Variants in CARMIL1 observed in about 807,000 individuals in gnomAD.
CARMIL1 encodes the protein capping protein regulator and myosin 1 linker 1, also known as F-actin-uncapping protein LRRC16A.
CARMIL1 carries 90 observed loss-of-function variants against 177.1 expected under a neutral mutation model. That is an observed-to-expected ratio of 0.51 (90% confidence interval 0.43 to 0.61). The LOEUF is 0.61. CARMIL1 is among the 20% of genes least tolerant of loss of function. The pLI is 0.00. For missense variants in CARMIL1, 1,380 were observed against 1,667.0 expected, an observed-to-expected ratio of 0.83 and a Z score of 3.00; for synonymous variants, 577 against 606.2, an observed-to-expected ratio of 0.95 and a Z score of 0.71.
intron 2 of CARMIL1, among the ~76,000 whole-genome samples, chr6:25,293,965 A>G (rs923972587): frequency 6.6e-6 from 1 of 152,178 alleles, no homozygotes; most frequent in African/African-American, 2.4e-5. Flanking sequence ...CAAGTCATCC[A>G]CCTGCCTTGG....
intron 12 of CARMIL1, 71 bp from the exon 13 acceptor site, chr6:25,488,411 A>C: frequency 9.1e-7 from 1 of 1,104,558 alleles, no homozygotes; most frequent in Non-Finnish European, 1.4e-6. Context: ...GTGTTGGGCC[A>C]TTTATAGAAA....
intron 2 of CARMIL1, among the ~76,000 whole-genome samples, chr6:25,285,788 T>G (rs942778085): frequency 6.6e-6 from 1 of 151,604 alleles, no homozygotes; most frequent in Non-Finnish European, 1.5e-5. Flanking sequence ...CCCATGGTGT[T>G]TGTTTGTTGT....
intron 2 of CARMIL1, among the ~76,000 whole-genome samples, chr6:25,346,231 G>A (rs562786951): frequency 6.6e-6 from 1 of 152,242 alleles, no homozygotes; most frequent in Admixed American, 6.5e-5. Context: ...TTACCCTCTG[G>A]CTTCATCTCC....
At chr6:25,470,259 A>T (rs1433065647) in intron 9 of CARMIL1, among the ~76,000 whole-genome samples, 1 of 152,210 alleles carries the variant, frequency 6.6e-6, no homozygotes, top group Non-Finnish European at 1.5e-5. Flanking sequence ...CTTCCTATTA[A>T]GTTTATGACA....
chr6:25,426,504 G>A lies in CARMIL1; in HGVS notation c.193G>A (p.Glu65Lys), dbSNP rs1203511642. Residue 65 changes from glutamate (E) to lysine (K), a missense_variant, in exon 4 of 37, where the codon GAG (glutamate) becomes AAG (lysine). Transcript: ENST00000329474. The stretch of plus-strand genomic sequence containing the variant: ...CCTCCTTTCCCCTCAATTGCAGCTC[G>A]AGTTAACCTTCAGCTACTTGGAGAT... Reference protein sequence around the residue: ...LVTARIPTKLELTFSYLEIHG... With the variant: ...LVTARIPTKLKLTFSYLEIHG... 3.1e-6 allele frequency: 5 copies of A among 1,609,796 alleles called. No homozygotes were observed. The highest frequency in any genetic ancestry group is 1.7e-5 in the Admixed American group (1 of 59,690).
chr6:25,281,125 T>C (rs940648002), intron 1 of CARMIL1, among the ~76,000 whole-genome samples: 21 of 35,890 alleles, frequency 5.9e-4, no homozygotes, highest in Admixed American at 9.1e-4. Flanking sequence ...CGCACGCGCG[T>C]GTGCGCGCGC....
chr6:25,570,002 C>G (rs906666089), intron 29 of CARMIL1, among the ~76,000 whole-genome samples: 1 of 151,584 alleles, frequency 6.6e-6, no homozygotes, highest in African/African-American at 2.4e-5. Flanking sequence ...GAGACGGAGT[C>G]TCGCTCTGTG....
chr6:25,326,471 C>T lies in CARMIL1; in HGVS notation c.138+41562C>T, dbSNP rs1785110685. On this transcript the variant is annotated intron_variant, in intron 2 of 36. Transcript: ENST00000329474. The surrounding 1 kb of genome is among the most constrained non-coding windows in gnomAD (Gnocchi z 4.2). ...ACTGAGGCTTCTAAGTAGAGCATTA[C>T]ACTGTTAACAGTAGTGGGAGTGAGA... is the stretch of plus-strand genomic sequence containing the variant. Among the ~76,000 whole-genome samples the T allele has an allele frequency of 6.6e-6, 1 of 152,164 alleles. No individual in the cohort carries two copies. Among genetic ancestry groups the T allele is most frequent in the Non-Finnish European group, 1.5e-5 (1 of 68,026 alleles).
chr6:25,385,153 C>G (rs538250884), intron 2 of CARMIL1, among the ~76,000 whole-genome samples: 1 of 152,140 alleles, frequency 6.6e-6, no homozygotes, highest in East Asian at 1.9e-4. Context: ...TCAGGAGAAC[C>G]GTTATCTAAG....
At chr6:25,618,123 C>G (rs1440042389) in intron 36 of CARMIL1, among the ~76,000 whole-genome samples, 1 of 152,078 alleles carries the variant, frequency 6.6e-6, no homozygotes, top group African/African-American at 2.4e-5. Context: ...TGTCTAAATA[C>G]CAGCATCTGG....
At chr6:25,349,189 A>T (rs1787849888) in intron 2 of CARMIL1, among the ~76,000 whole-genome samples, 1 of 152,214 alleles carries the variant, frequency 6.6e-6, no homozygotes, top group African/African-American at 2.4e-5. Context: ...CAGGGTGCAC[A>T]TACACATGCA....
At chr6:25,457,157 A>T (rs1799608817) in intron 8 of CARMIL1, among the ~76,000 whole-genome samples, 1 of 152,132 alleles carries the variant, frequency 6.6e-6, no homozygotes, top group Admixed American at 6.5e-5. Flanking sequence ...GAACAAGATG[A>T]TGATATGTTG....
intron 29 of CARMIL1, among the ~76,000 whole-genome samples, chr6:25,579,790 A>C (rs1269821736): frequency 6.6e-6 from 1 of 152,204 alleles, no homozygotes; most frequent in Non-Finnish European, 1.5e-5. Flanking sequence ...TAATAGCAAA[A>C]TGATATTATT....
chr6:25,417,932 C>T (rs989288387), intron 2 of CARMIL1, among the ~76,000 whole-genome samples: 34 of 151,828 alleles, frequency 2.2e-4, no homozygotes, highest in African/African-American at 7.0e-4. Flanking sequence ...AGAAAATGCT[C>T]GACAAAGAGT....
Position 25,288,478 on chromosome 6 carries a change from GT to G in CARMIL1, c.138+3587del, listed in dbSNP as rs370669890. Among the ~76,000 whole-genome samples the G allele has an allele frequency of 6.6e-3, 885 of 133,444 alleles. 5 individuals are homozygous for G. Among genetic ancestry groups the G allele is most frequent in the Middle Eastern group, 0.023 (6 of 262 alleles). The allele number at this position is 133,444 out of a possible 152,430, so 87.5% of individuals were successfully genotyped here. A position where few individuals can be genotyped will look rare whatever the true frequency, so the allele number is the denominator to read the frequency against. ...ACTTTGTGACAATGTTAAGAATCAG[GT>G]TTTTTTTTTTTTTTTTTCCGTATGG... On this transcript the variant is annotated intron_variant, in intron 2 of 36. Coordinates refer to ENST00000329474, the MANE Select transcript of CARMIL1 (RefSeq NM_017640.6).
intron 2 of CARMIL1, among the ~76,000 whole-genome samples, chr6:25,394,522 G>T (rs1033889263): frequency 2.6e-5 from 4 of 152,114 alleles, no homozygotes; most frequent in Non-Finnish European, 5.9e-5. Flanking sequence ...CACCATTTAG[G>T]AATAGGAAAA....
chr6:25,515,240 A>T lies in CARMIL1; in HGVS notation c.1633-435A>T, dbSNP rs930503138. Among the ~76,000 whole-genome samples, 3 of 152,238 alleles carry T rather than the reference A, an allele frequency of 2.0e-5. No individual in the cohort carries two copies. The highest frequency in any genetic ancestry group is 7.2e-5 in the African/African-American group (3 of 41,458). On this transcript the variant is annotated intron_variant, in intron 20 of 36. Transcript: ENST00000329474. The surrounding 1 kb of genome is among the most constrained non-coding windows in gnomAD (Gnocchi z 5.0). ...AATTGTTCAATAATTGTCAGCTATTATTAATCCTGGCTGGCTTTTATCTTG... is the reference window on the plus strand; with the variant it reads ...AATTGTTCAATAATTGTCAGCTATTTTTAATCCTGGCTGGCTTTTATCTTG...
At chr6:25,402,624 C>T (rs1793988231) in intron 2 of CARMIL1, among the ~76,000 whole-genome samples, 1 of 152,046 alleles carries the variant, frequency 6.6e-6, no homozygotes, top group Non-Finnish European at 1.5e-5. Flanking sequence ...GCTGTATGGT[C>T]CAGTATGATA....
chr6:25,498,746 G>C (rs985427321), intron 16 of CARMIL1, among the ~76,000 whole-genome samples: 1 of 152,096 alleles, frequency 6.6e-6, no homozygotes. Context: ...CCCATTACTC[G>C]CTGGGCTGGG....
Sources: gnomAD v4.1 joint callset for allele counts (sites outside exome capture counted in the v4.1 genomes callset) on GRCh38, gnomAD v4.1.1 for gene constraint, Gnocchi (gnomAD v3.1) non-coding constraint, MANE v1.5 for transcripts, NCBI Gene and HGNC (gene_info 2026-07-23, HGNC 2026-07-21) for gene names.